Variants in HHLA2 observed in about 807,000 individuals in gnomAD.
HHLA2 encodes HERV-H LTR-associating protein 2.
A neutral mutation model predicts 45.9 loss-of-function variants in HHLA2; 48 were observed. That is an observed-to-expected ratio of 1.05 (90% CI 0.83 to 1.33). The LOEUF (loss-of-function observed/expected upper bound fraction) is 1.33. Among genes scored for constraint, HHLA2 ranks in the 40% most tolerant of loss-of-function variants. The probability of loss-of-function intolerance (pLI) is 0.00; values close to 1 mark genes in which losing one functional copy is unlikely to be tolerated. For synonymous variants in HHLA2, 161 were observed against 173.9 expected (o/e 0.93, Z 0.59); for missense variants, 462 against 494.3 (o/e 0.93, Z 0.62).
chr3:108,355,227 A>G (rs779530755), exon 6 of HHLA2: 52 of 1,613,788 alleles, frequency 3.2e-5, no homozygotes, highest in Non-Finnish European at 4.4e-5. Flanking sequence ...TGGACAACAC[A>G]CCTATCTCTG....
intron 4 of HHLA2, among the ~76,000 whole-genome samples, chr3:108,352,163 G>A (rs2081791003): frequency 6.7e-6 from 1 of 149,558 alleles, no homozygotes; most frequent in South Asian, 2.1e-4. Flanking sequence ...TTTTTTAAGT[G>A]TAAGCTTGGT....
At chr3:108,310,191 T>A (rs1007096354) in intron 1 of HHLA2, among the ~76,000 whole-genome samples, 20 of 152,070 alleles carry the variant, frequency 1.3e-4, no homozygotes, top group African/African-American at 4.3e-4. Flanking sequence ...TCAGAGAAAA[T>A]ATATTTTTCC....
chr3:108,313,746 T>A (rs1480701671), intron 2 of HHLA2, among the ~76,000 whole-genome samples: 1 of 152,166 alleles, frequency 6.6e-6, no homozygotes, highest in Non-Finnish European at 1.5e-5. Flanking sequence ...GTTATATCCA[T>A]GGGGTAGTGA....
intron 3 of HHLA2, 27 bp from the exon 3 acceptor site, chr3:108,351,761 C>G: frequency 6.9e-7 from 1 of 1,447,872 alleles, no homozygotes; most frequent in Non-Finnish European, 9.7e-7. Flanking sequence ...AAATCCATAA[C>G]ATGTGCACTT....
chr3:108,362,502 T>C (rs980862690), intron 8 of HHLA2, 56 bp downstream of exon 7: 15 of 1,153,352 alleles, frequency 1.3e-5, no homozygotes, highest in African/African-American at 1.5e-5. Context: ...ATATTAAAGA[T>C]AACATGGAAA....
In HHLA2 at chr3:108,376,433, A is replaced by T. The variant is rs1287373977; in HGVS notation, c.1160-60A>T. On this transcript the variant is annotated intron_variant, in intron 9 of 10. Transcript: ENST00000619531. ...ACATGATTATATTGAGATAGGACTA[A>T]GGGAGAATTTTGGTGTTTGCAAAGA... The T allele has an allele frequency of 5.3e-6, 7 of 1,312,048 alleles. No homozygotes were observed. The Admixed American group carries it at 6.2e-5, about 12-fold the overall frequency. The allele number at this position is 1,312,048 out of a possible 1,614,324, so 81.3% of individuals were successfully genotyped here. A position where few individuals can be genotyped will look rare whatever the true frequency, so the allele number is the denominator to read the frequency against.
At chr3:108,316,084 TAAA>T (rs566823530) in intron 2 of HHLA2, among the ~76,000 whole-genome samples, 5 of 89,472 alleles carry the variant, frequency 5.6e-5, no homozygotes, top group African/African-American at 1.3e-4. Flanking sequence ...TGACAAACAG[TAAA>T]AAAAAAAAAA....
chr3:108,356,263 C>T (rs1453369208), intron 6 of HHLA2, among the ~76,000 whole-genome samples: 1 of 152,052 alleles, frequency 6.6e-6, no homozygotes, highest in Non-Finnish European at 1.5e-5. Flanking sequence ...AACTTCTGAC[C>T]TCGTGATCCA....
chr3:108,360,256 C>A (rs895247450), intron 7 of HHLA2, among the ~76,000 whole-genome samples: 5 of 152,150 alleles, frequency 3.3e-5, no homozygotes, highest in Non-Finnish European at 7.3e-5. Context: ...AATGCCATTT[C>A]CATCTTAACT....
chr3:108,328,176 A>C (rs1224909588), intron 2 of HHLA2: 1 of 567,946 alleles, frequency 1.8e-6, no homozygotes, highest in Non-Finnish European at 2.9e-6. Flanking sequence ...AGTTTGGTAT[A>C]ATATTTTCTT....
chr3:108,375,374 T>A (rs1400400128), intron 8 of HHLA2, among the ~76,000 whole-genome samples: 1 of 151,724 alleles, frequency 6.6e-6, no homozygotes, highest in Non-Finnish European at 1.5e-5. Flanking sequence ...ATATACCTAA[T>A]GCTAAATGAT....
intron 7 of HHLA2, among the ~76,000 whole-genome samples, chr3:108,360,173 A>C (rs62266244): frequency 0.04 from 6,102 of 152,152 alleles, 181 homozygotes; most frequent in Non-Finnish European, 0.054. Flanking sequence ...GTCTTCATAT[A>C]AGCCCAAAGC....
chr3:108,298,749 T>C (rs1479100137), intron 1 of HHLA2, among the ~76,000 whole-genome samples: 1 of 152,212 alleles, frequency 6.6e-6, no homozygotes, highest in Non-Finnish European at 1.5e-5. Context: ...CATTTTAAAA[T>C]TGAGTAACGA....
chr3:108,301,145 A>G (rs959054300), intron 1 of HHLA2, among the ~76,000 whole-genome samples: 3 of 152,030 alleles, frequency 2.0e-5, no homozygotes, highest in African/African-American at 7.2e-5. Context: ...CTCCAAACCA[A>G]TGTTCCCTAT....
intron 6 of HHLA2, among the ~76,000 whole-genome samples, chr3:108,357,366 T>C (rs1170431813): frequency 6.6e-6 from 1 of 152,184 alleles, no homozygotes; most frequent in African/African-American, 2.4e-5. Flanking sequence ...GCTGGAAATA[T>C]TCTTATATGA....
At chr3:108,363,617 G>A (rs911111923) in intron 8 of HHLA2, among the ~76,000 whole-genome samples, 1 of 152,120 alleles carries the variant, frequency 6.6e-6, no homozygotes, top group African/African-American at 2.4e-5. Flanking sequence ...TCCCTTGGCT[G>A]GCCAGATGGA....
chr3:108,338,989 T>C (rs2107409201), intron 3 of HHLA2, among the ~76,000 whole-genome samples: 1 of 152,334 alleles, frequency 6.6e-6, no homozygotes, highest in Middle Eastern at 3.4e-3. Flanking sequence ...CTTGATCATA[T>C]AATTTATCAT....
rs987044850 is a variant in HHLA2, at chr3:108,303,872, G to A, written c.-191-6783G>A. On this transcript the variant is annotated intron_variant, in intron 1 of 10. Coordinates refer to ENST00000619531, the Ensembl canonical transcript of HHLA2. ...ATAATCCATTATTGCAACCACCATC[G>A]CCACCACCTCACAGCAGGTGACTCT... Among the ~76,000 whole-genome samples the A allele has an allele frequency of 7.9e-5, 12 of 152,004 alleles. No homozygotes were observed. The South Asian group carries it at 1.7e-3, about 21-fold the overall frequency.
chr3:108,363,258 C>T lies in HHLA2; in HGVS notation c.1108+812C>T, dbSNP rs183555486. On this transcript the variant is annotated intron_variant, in intron 8 of 10. Transcript: ENST00000619531. Reference sequence around the variant, plus strand: ...ATTTTACAGATCAGGAAACAGGAATCCAGGAAGTTAGCTTAAGTGCCAAGT... The same window carrying T: ...ATTTTACAGATCAGGAAACAGGAATTCAGGAAGTTAGCTTAAGTGCCAAGT... Among the ~76,000 whole-genome samples the T allele has an allele frequency of 4.9e-3, 748 of 152,146 alleles. 9 individuals carry two copies. Among genetic ancestry groups the T allele is most frequent in the Non-Finnish European group, 6.2e-3 (419 of 67,994 alleles).
Sources: gnomAD v4.1 joint callset for allele counts (sites outside exome capture counted in the v4.1 genomes callset) on GRCh38, gnomAD v4.1.1 for gene constraint, MANE v1.5 for transcripts, NCBI Gene and HGNC (gene_info 2026-07-23, HGNC 2026-07-21) for gene names.